The following LRRC28 variants were observed in gnomAD, a reference collection of about 807,000 sequenced individuals.
The protein encoded by LRRC28 is leucine-rich repeat-containing protein 28.
In LRRC28, 39 loss-of-function variants were observed where a neutral mutation model predicts 45.7. The observed-to-expected ratio is 0.85, with a 90% CI of 0.66 to 1.12. The LOEUF (loss-of-function observed/expected upper bound fraction) is 1.12. LRRC28 is among the 50% of genes most tolerant of loss of function. The probability of loss-of-function intolerance (pLI) is 0.00; values close to 1 mark genes in which losing one functional copy is unlikely to be tolerated. For synonymous variants in LRRC28, 206 were observed against 178.8 expected (o/e 1.15, Z -1.22); for missense variants, 435 against 438.5 (o/e 0.99, Z 0.07).
intron 5 of LRRC28, among the ~76,000 whole-genome samples, chr15:99,292,611 G>T (rs549050205): frequency 6.6e-6 from 1 of 151,936 alleles, no homozygotes; most frequent in Non-Finnish European, 1.5e-5. Flanking sequence ...TGATCCACCC[G>T]CCTCGGCCTC....
chr15:99,371,607 T>A (rs944099489), intron 9 of LRRC28, among the ~76,000 whole-genome samples: 1 of 152,234 alleles, frequency 6.6e-6, no homozygotes, highest in Non-Finnish European at 1.5e-5. Flanking sequence ...CTATTGCTTC[T>A]TTGAAGCCAA....
chr15:99,300,908 G>T (rs1048968232), intron 5 of LRRC28, among the ~76,000 whole-genome samples: 3 of 152,186 alleles, frequency 2.0e-5, no homozygotes, highest in Non-Finnish European at 4.4e-5. Flanking sequence ...GATTTCTGTG[G>T]TGCTATTCTT....
chr15:99,282,533 A>T (rs960959141), intron 3 of LRRC28, among the ~76,000 whole-genome samples: 2 of 152,036 alleles, frequency 1.3e-5, no homozygotes, highest in African/African-American at 4.8e-5. Flanking sequence ...TACCTTTTCT[A>T]TGTTTACATA....
At chr15:99,319,213 A>G (rs1955706135) in intron 5 of LRRC28, among the ~76,000 whole-genome samples, 2 of 152,168 alleles carry the variant, frequency 1.3e-5, no homozygotes, top group Non-Finnish European at 2.9e-5. Context: ...GGCCTCATTC[A>G]GGTCAAAGCT....
intron 9 of LRRC28, among the ~76,000 whole-genome samples, chr15:99,374,535 G>A (rs1957570488): frequency 6.6e-6 from 1 of 152,148 alleles, no homozygotes; most frequent in Non-Finnish European, 1.5e-5. Flanking sequence ...ATCATGTCAT[G>A]CTGTCTGCTA....
chr15:99,308,178 C>G (rs1161749307), intron 5 of LRRC28, among the ~76,000 whole-genome samples: 1 of 152,092 alleles, frequency 6.6e-6, no homozygotes, highest in African/African-American at 2.4e-5. Flanking sequence ...CAGGTTTTAT[C>G]CCTGGTTATA....
chr15:99,280,410 C>A (rs572466288), intron 3 of LRRC28, among the ~76,000 whole-genome samples: 1 of 151,472 alleles, frequency 6.6e-6, no homozygotes, highest in South Asian at 2.1e-4. Flanking sequence ...CCCGCCCCCA[C>A]CCCAAAGTCT....
intron 3 of LRRC28, chr15:99,285,865 A>G (rs568883342): frequency 8.4e-6 from 3 of 358,104 alleles, no homozygotes; most frequent in South Asian, 7.1e-5. Flanking sequence ...TAATGTTTAA[A>G]GAGTATTGAT....
At chr15:99,348,427 T>A (rs753272450) in intron 6 of LRRC28, among the ~76,000 whole-genome samples, 1 of 152,186 alleles carries the variant, frequency 6.6e-6, no homozygotes, top group Admixed American at 6.5e-5. Context: ...GGTTTCTTAA[T>A]CAATTTTGAG....
intron 9 of LRRC28, among the ~76,000 whole-genome samples, chr15:99,371,740 T>C (rs973001646): frequency 7.9e-5 from 12 of 152,232 alleles, no homozygotes; most frequent in Non-Finnish European, 1.5e-4. Context: ...ACAAGTGAAA[T>C]AGTCTTCAAA....
chr15:99,281,939 C>A (rs1298183693), intron 3 of LRRC28, among the ~76,000 whole-genome samples: 2 of 151,914 alleles, frequency 1.3e-5, no homozygotes, highest in Non-Finnish European at 2.9e-5. Context: ...GTGCTTTTTG[C>A]CTGGAGTACC....
At position 99,387,090 on chromosome 15, in the gene LRRC28, TC is replaced by T. The variant is rs1958021682; in HGVS notation, c.*989del. On this transcript the variant is annotated 3_prime_UTR_variant, in exon 10 of 10. Coordinates refer to ENST00000301981, the MANE Select transcript of LRRC28 (RefSeq NM_144598.5). ...TTTTTGTTGTTGTTGAGACGGAGTCTCGCTCTGTCGCCCAGGCTGGAGTGCA... is the reference window on the plus strand; with the variant it reads ...TTTTTGTTGTTGTTGAGACGGAGTCTGCTCTGTCGCCCAGGCTGGAGTGCA... The T allele has an allele frequency of 1.3e-5, 2 of 151,648 alleles. No homozygotes were observed. Among genetic ancestry groups the T allele is most frequent in the Admixed American group, 6.6e-5 (1 of 15,226 alleles). 9.4% of individuals were successfully genotyped at this position (151,648 alleles called of 1,614,324 possible).
chr15:99,259,719 A>T, intron 2 of LRRC28: 2 of 1,427,174 alleles, frequency 1.4e-6, no homozygotes, highest in Non-Finnish European at 2.0e-6. Context: ...CGACGAATTA[A>T]GGAAGATGAA....
rs1957996613 is a variant in LRRC28 at position 99,386,514 on chromosome 15, T to C, written c.*412T>C. On this transcript the variant is annotated 3_prime_UTR_variant, in exon 10 of 10. Coordinates refer to ENST00000301981, the MANE Select transcript of LRRC28 (RefSeq NM_144598.5). Reference sequence around the variant, plus strand: ...TGCTTTCCCCAGAGAGTTATTTCCCTGAGACCATGTTCTCCACAGTGTCTC... The same window carrying C: ...TGCTTTCCCCAGAGAGTTATTTCCCCGAGACCATGTTCTCCACAGTGTCTC... The C allele has an allele frequency of 6.3e-6, 1 of 159,526 alleles. No homozygotes were observed. Among genetic ancestry groups the C allele is most frequent in the Non-Finnish European group, 1.4e-5 (1 of 72,754 alleles). The allele number at this position is 159,526 out of a possible 1,614,324, so 9.9% of individuals were successfully genotyped here.
intron 6 of LRRC28, among the ~76,000 whole-genome samples, chr15:99,343,906 G>A (rs969125820): frequency 1.3e-5 from 2 of 152,082 alleles, no homozygotes; most frequent in African/African-American, 2.4e-5. Flanking sequence ...ATTGTGCTTG[G>A]GGGTTTTTGC....
chr15:99,383,572 A>T (rs971298923), intron 9 of LRRC28, among the ~76,000 whole-genome samples: 1 of 151,804 alleles, frequency 6.6e-6, no homozygotes, highest in African/African-American at 2.4e-5. Flanking sequence ...TCTGGATACA[A>T]CTCTTCTTTT....
Position 99,365,384 on chromosome 15 carries a change from C to G in LRRC28, c.1031+2119C>G, listed in dbSNP as rs1244454352. Among the ~76,000 whole-genome samples, 3 of 152,200 alleles carry G rather than the reference C, an allele frequency of 2.0e-5. No homozygotes were observed. The East Asian group carries it at 5.8e-4, about 29-fold the overall frequency. ...ATAGCAGAGATGAAATGCCAAGATACAAACATGGCTTTCTGTGGGAAGTTA... is the reference window on the plus strand; with the variant it reads ...ATAGCAGAGATGAAATGCCAAGATAGAAACATGGCTTTCTGTGGGAAGTTA... On this transcript the variant is annotated intron_variant, in intron 9 of 9. Coordinates refer to ENST00000301981, the MANE Select transcript of LRRC28 (RefSeq NM_144598.5).
At chr15:99,364,668 C>G (rs906349671) in intron 9 of LRRC28, among the ~76,000 whole-genome samples, 1 of 152,174 alleles carries the variant, frequency 6.6e-6, no homozygotes, top group East Asian at 1.9e-4. Context: ...AAGGCCACCT[C>G]AGGCAACTTA....
At chr15:99,376,585 G>A (rs970333880) in intron 9 of LRRC28, among the ~76,000 whole-genome samples, 15 of 152,118 alleles carry the variant, frequency 9.9e-5, no homozygotes, top group Non-Finnish European at 1.8e-4. Context: ...TGCACAACGT[G>A]CAGGTTTGTT....
Sources: allele counts gnomAD v4.1 joint callset (sites outside exome capture counted in the v4.1 genomes callset), GRCh38; gene constraint gnomAD v4.1.1; transcripts MANE v1.5; gene names NCBI Gene and HGNC (gene_info 2026-07-23, HGNC 2026-07-21).